Variants in SMYD4 observed in about 807,000 individuals in gnomAD.
SMYD4 encodes SET and MYND domain containing 4.
In SMYD4, 68 loss-of-function variants were observed where a neutral mutation model predicts 72.8. The observed-to-expected ratio is 0.93, with a 90% CI of 0.77 to 1.14. The LOEUF is 1.14. Among genes scored for constraint, SMYD4 ranks in the 50% most tolerant of loss-of-function variants. The probability of loss-of-function intolerance (pLI) is 0.00; values close to 1 mark genes in which losing one functional copy is unlikely to be tolerated. For synonymous variants in SMYD4, 407 were observed against 388.6 expected (o/e 1.05, Z -0.56); for missense variants, 984 against 1,003.7 (o/e 0.98, Z 0.27).
intron 3 of SMYD4, among the ~76,000 whole-genome samples, chr17:1,805,987 G>C (rs1340578097): frequency 6.8e-6 from 1 of 147,442 alleles, no homozygotes; most frequent in African/African-American, 2.5e-5. Flanking sequence ...GCAGTGGCTC[G>C]ATCTCGGCTC....
Position 1,800,150 on chromosome 17 carries a change from T to A in SMYD4, c.1244A>T (p.Asn415Ile). Residue 415 changes from asparagine (N) to isoleucine (I), a missense_variant, in exon 5 of 11, where the codon AAT becomes ATT. Physicochemically the swap from Asn to Ile is moderately radical, Grantham distance 149. Transcript: ENST00000305513. ...VETPIPGCDI[N>I]GKYENNYNAV... ...ATTATAATTATTTTCATACTTCCCA[T>A]TAATATCGCATCCAGGAATTGGGGT... 1 of 1,610,860 alleles carries A rather than the reference T, an allele frequency of 6.2e-7. No homozygotes were observed. The highest frequency in any genetic ancestry group is 8.5e-7 in the Non-Finnish European group (1 of 1,178,002).
intron 8 of SMYD4, 84 bp downstream of exon 8, chr17:1,784,242 T>G: frequency 6.3e-7 from 1 of 1,587,674 alleles, no homozygotes; most frequent in Admixed American, 1.7e-5. Context: ...CTCCCATCAG[T>G]ACTGAGTATC....
chr17:1,793,125 C>T (rs151024036), intron 5 of SMYD4, among the ~76,000 whole-genome samples: 233 of 152,124 alleles, frequency 1.5e-3, no homozygotes, highest in Middle Eastern at 6.8e-3. Flanking sequence ...CCATGTTGCC[C>T]CGGGTGGTCT....
At chr17:1,801,854 T>A (rs530431615) in intron 4 of SMYD4, among the ~76,000 whole-genome samples, 2 of 151,872 alleles carry the variant, frequency 1.3e-5, no homozygotes, top group African/African-American at 4.8e-5. Flanking sequence ...TGGGCGCCTG[T>A]AGTCCCAGCT....
intron 1 of SMYD4, 39 bp downstream of exon 1, chr17:1,829,687 G>T (rs1911425247): frequency 6.4e-6 from 1 of 156,864 alleles, no homozygotes. Flanking sequence ...AGCAGCGGAG[G>T]TCTCAAGGAA....
chr17:1,826,712 T>C (rs568107667), intron 2 of SMYD4, among the ~76,000 whole-genome samples: 23 of 152,210 alleles, frequency 1.5e-4, no homozygotes, highest in African/African-American at 5.5e-4. Flanking sequence ...GATCTGCAAA[T>C]ATATAAGGTT....
chr17:1,829,501 G>A (rs1054836905), intron 1 of SMYD4: 1 of 152,194 alleles, frequency 6.6e-6, no homozygotes, highest in African/African-American at 2.4e-5. Flanking sequence ...GGTTACTGAC[G>A]GCATAAAGTG....
chr17:1,791,073 G>A (rs867185306), intron 5 of SMYD4, among the ~76,000 whole-genome samples: 85 of 142,404 alleles, frequency 6.0e-4, no homozygotes, highest in Middle Eastern at 3.9e-3. Context: ...CTTGCAGTGA[G>A]CCGAGATCGC....
At chr17:1,788,771 A>G (rs1262963891) in intron 5 of SMYD4, among the ~76,000 whole-genome samples, 1 of 152,168 alleles carries the variant, frequency 6.6e-6, no homozygotes, top group East Asian at 1.9e-4. Flanking sequence ...TTCATTTCAG[A>G]AAAGAAAGCA....
chr17:1,800,991 G>GT lies in SMYD4; in HGVS notation c.402dup (p.His135ThrfsTer15), dbSNP rs758331093. 1.1e-5 allele frequency: 18 copies of GT among 1,613,478 alleles called. No homozygotes were observed. Among genetic ancestry groups the GT allele is most frequent in the Non-Finnish European group, 1.4e-5 (17 of 1,179,548 alleles). ...GGTTGCAACCTTTCTGGATACCCAT[G>GT]TGTCTGTGCTCTGTTAATGTCTTTA... On this transcript the variant is annotated frameshift_variant, in exon 5 of 11. Transcript: ENST00000305513. LOFTEE classifies it high-confidence loss of function.
chr17:1,802,058 T>C (rs938724226), intron 4 of SMYD4, among the ~76,000 whole-genome samples: 1 of 152,148 alleles, frequency 6.6e-6, no homozygotes, highest in African/African-American at 2.4e-5. Flanking sequence ...TTAATTTCTG[T>C]GTCTTAATTT....
intron 6 of SMYD4, 86 bp from the exon 7 acceptor site, chr17:1,787,059 G>A (rs1908733857): frequency 4.0e-6 from 6 of 1,494,458 alleles, no homozygotes; most frequent in Non-Finnish European, 9.1e-7. Flanking sequence ...AGAGGGTCTG[G>A]ACAATTACCT....
In SMYD4 at chr17:1,794,105, ATTTTTT is replaced by A. The variant is rs59420310; in HGVS notation, c.1537+5746_1537+5751del. Among the ~76,000 whole-genome samples, 47 of 12,984 alleles carry A rather than the reference ATTTTTT, an allele frequency of 3.6e-3. 1 individual carries two copies. The highest frequency in any genetic ancestry group is 0.015 in the African/African-American group (42 of 2,746). 8.5% of individuals were successfully genotyped at this position (12,984 alleles called of 152,430 possible). ...TGTATATATATATATATATATATAT[ATTTTTT>A]TTTTTTTTTTTTTTTTGAGATGGAG... On this transcript the variant is annotated intron_variant, in intron 5 of 10. Coordinates refer to ENST00000305513, the MANE Select transcript of SMYD4 (RefSeq NM_052928.3).
At chr17:1,802,287 T>C (rs1392939788) in intron 4 of SMYD4, among the ~76,000 whole-genome samples, 1 of 151,870 alleles carries the variant, frequency 6.6e-6, no homozygotes, top group Non-Finnish European at 1.5e-5. Context: ...GTCCAGGAGT[T>C]TGAGACCAAC....
chr17:1,811,087 C>T (rs1485707243), intron 3 of SMYD4, among the ~76,000 whole-genome samples: 1 of 152,240 alleles, frequency 6.6e-6, no homozygotes, highest in Non-Finnish European at 1.5e-5. Flanking sequence ...CTGGTTAACA[C>T]AAGCCGCGTA....
At chr17:1,821,321 C>A (rs1910878882) in intron 2 of SMYD4, among the ~76,000 whole-genome samples, 1 of 151,976 alleles carries the variant, frequency 6.6e-6, no homozygotes, top group Admixed American at 6.6e-5. Context: ...TTGAGACCAG[C>A]CTGACCAATA....
chr17:1,811,207 C>CT (rs1352295832), intron 3 of SMYD4, among the ~76,000 whole-genome samples: 3 of 152,224 alleles, frequency 2.0e-5, no homozygotes, highest in African/African-American at 7.2e-5. Context: ...GCCTGCCCAT[C>CT]TATATGCTCC....
intron 4 of SMYD4, among the ~76,000 whole-genome samples, chr17:1,803,625 G>C (rs891104028): frequency 6.6e-6 from 1 of 151,880 alleles, no homozygotes; most frequent in Non-Finnish European, 1.5e-5. Context: ...TCAGCCTCCT[G>C]AGTAGCTGGG....
chr17:1,805,608 T>C (rs111550397), intron 3 of SMYD4, among the ~76,000 whole-genome samples: 27,000 of 151,470 alleles, frequency 0.18, 2,481 homozygotes, highest in Middle Eastern at 0.2. Flanking sequence ...GGTGAGGAGT[T>C]TGAGACCTGC....
Sources: gnomAD v4.1 joint callset for allele counts (sites outside exome capture counted in the v4.1 genomes callset) on GRCh38, gnomAD v4.1.1 for gene constraint, MANE v1.5 for transcripts, NCBI Gene and HGNC (gene_info 2026-07-23, HGNC 2026-07-21) for gene names.